Variants in SETD2 observed in about 807,000 individuals in gnomAD.
SETD2 encodes the protein histone-lysine N-methyltransferase SETD2.
A neutral mutation model predicts 242.1 loss-of-function variants in SETD2; 31 were observed. The observed-to-expected ratio is 0.13, with a 90% CI of 0.10 to 0.17. SETD2 has a LOEUF of 0.17. Among genes scored for constraint, SETD2 ranks in the 10% least tolerant of loss-of-function variants. The probability of loss-of-function intolerance (pLI) is 1.00; values close to 1 mark genes in which losing one functional copy is unlikely to be tolerated. For synonymous variants in SETD2, 1,006 were observed against 1,066.5 expected, an observed-to-expected ratio of 0.94 and a Z score of 1.11; for missense variants, 2,481 against 3,046.3, an observed-to-expected ratio of 0.81 and a Z score of 4.37.
chr3:47,084,022 C>T lies in SETD2; in HGVS notation c.5758G>A (p.Glu1920Lys), dbSNP rs2107639082. Residue 1920 changes from glutamate (E) to lysine (K), a missense_variant, in exon 12 of 21, where the codon GAG becomes AAG. Transcript: ENST00000409792. The part of the protein sequence containing the change: ...DQLENVPVEE[E>K]EELQSQQLLP... ...AGCTGTTGTGACTGCAATTCTTCCT[C>T]TTCCTCTACAGGGACATTTTCTAAT... The T allele has an allele frequency of 6.2e-7, 1 of 1,614,154 alleles. No individual in the cohort carries two copies. Among genetic ancestry groups the T allele is most frequent in the Non-Finnish European group, 8.5e-7 (1 of 1,180,034 alleles).
chr3:47,126,287 G>A (rs2043325121), intron 2 of SETD2, among the ~76,000 whole-genome samples: 1 of 152,204 alleles, frequency 6.6e-6, no homozygotes, highest in Non-Finnish European at 1.5e-5. Flanking sequence ...TTCCCAAAGT[G>A]CTGGGATTAC....
chr3:47,149,064 C>CCT (rs2043925257), intron 1 of SETD2, among the ~76,000 whole-genome samples: 1 of 152,156 alleles, frequency 6.6e-6, no homozygotes, highest in Non-Finnish European at 1.5e-5. Flanking sequence ...TACAGAATCA[C>CCT]CTGCACCCTC....
chr3:47,040,569 A>ATTTTTTTTTTTTTTT lies in SETD2; in HGVS notation c.7238+1977_7238+1991dup, dbSNP rs34309892. ...AAAATAGATGACATGAGGGAAAAGG[A>ATTTTTTTTTTTTTTT]TTTTTTTTTTTTTTTTTTTTTTGGA... is the stretch of plus-strand genomic sequence containing the variant. On this transcript the variant is annotated intron_variant, in intron 17 of 20. Coordinates refer to ENST00000409792, the MANE Select transcript of SETD2 (RefSeq NM_014159.7). Among the ~76,000 whole-genome samples the ATTTTTTTTTTTTTTT allele has an allele frequency of 6.3e-4, 58 of 91,718 alleles. 6 individuals are homozygous for ATTTTTTTTTTTTTTT. Among genetic ancestry groups the ATTTTTTTTTTTTTTT allele is most frequent in the African/African-American group, 2.1e-3 (49 of 22,842 alleles). 60.2% of individuals were successfully genotyped at this position (91,718 alleles called of 152,430 possible). A position where few individuals can be genotyped will look rare whatever the true frequency, so the allele number is the denominator to read the frequency against.
intron 5 of SETD2, among the ~76,000 whole-genome samples, chr3:47,108,044 C>G (rs1225419089): frequency 6.6e-6 from 1 of 151,840 alleles, no homozygotes; most frequent in Admixed American, 6.6e-5. Context: ...TTTGGGAGGC[C>G]GAGGTGGGTA....
At chr3:47,033,669 T>C (rs2107521975) in intron 18 of SETD2, among the ~76,000 whole-genome samples, 1 of 141,660 alleles carries the variant, frequency 7.1e-6, no homozygotes, top group African/African-American at 2.6e-5. Flanking sequence ...TTTTTTTTTT[T>C]TTTTTTTTTG....
chr3:47,026,295 T>G (rs1408870673), intron 18 of SETD2, among the ~76,000 whole-genome samples: 1 of 152,120 alleles, frequency 6.6e-6, no homozygotes, highest in African/African-American at 2.4e-5. Flanking sequence ...CACTAAAAAG[T>G]TGGGAAACAA....
chr3:47,022,517 G>T (rs2038276980), intron 18 of SETD2, among the ~76,000 whole-genome samples: 1 of 152,106 alleles, frequency 6.6e-6, no homozygotes, highest in East Asian at 1.9e-4. Context: ...AAGAAAAAAA[G>T]CACTTTTAAG....
chr3:47,083,113 T>C (rs951289645), intron 12 of SETD2, among the ~76,000 whole-genome samples: 1 of 152,210 alleles, frequency 6.6e-6, no homozygotes, highest in Non-Finnish European at 1.5e-5. Context: ...AAGCAAACCC[T>C]GCACATCTTG....
At position 47,163,842 on chromosome 3, in the gene SETD2, G is replaced by T; in HGVS notation, c.71+12C>A. ...GCCGACAGCAGCGGGGGGCCGCGGAGCTGATACTTACTCAGGGGTCGGGTG... is the reference window on the plus strand; with the variant it reads ...GCCGACAGCAGCGGGGGGCCGCGGATCTGATACTTACTCAGGGGTCGGGTG... On this transcript the variant is annotated intron_variant, in intron 1 of 20. Coordinates refer to ENST00000409792, the MANE Select transcript of SETD2 (RefSeq NM_014159.7). The T allele has an allele frequency of 7.8e-7, 1 of 1,287,202 alleles. No homozygotes were observed. 79.7% of individuals were successfully genotyped at this position (1,287,202 alleles called of 1,614,324 possible). A position where few individuals can be genotyped will look rare whatever the true frequency, so the allele number is the denominator to read the frequency against.
chr3:47,102,772 C>CAAAAAAA (rs5848821), intron 7 of SETD2, among the ~76,000 whole-genome samples: 2 of 97,938 alleles, frequency 2.0e-5, no homozygotes, highest in Non-Finnish European at 3.9e-5. Flanking sequence ...CCAGCCTGGG[C>CAAAAAAA]AAAAAAAAAA....
rs149552397 is a variant in SETD2, at chr3:47,056,998, G to A, written c.6786C>T (p.Pro2262=). The change falls in exon 15 of 21, where the codon CCC becomes CCT. Residue 2262 remains proline (P), a synonymous_variant. Transcript: ENST00000409792. ...TATAATTCTGTCCCTGAACTGGGCCGGGGGCCGGCACTGGCAAGACAGCAA... is the reference window on the plus strand; with the variant it reads ...TATAATTCTGTCCCTGAACTGGGCCAGGGGCCGGCACTGGCAAGACAGCAA... ...SSVAVLPVPA[P]GPVQGQNYSV... is the part of the protein sequence containing the mutation. The A allele has an allele frequency of 7.7e-5, 125 of 1,614,228 alleles. 1 individual carries two copies. In the African/African-American group the frequency reaches 9.3e-4, roughly 12 times the overall value.
chr3:47,096,100 A>G (rs762479475), intron 9 of SETD2, among the ~76,000 whole-genome samples: 89 of 152,248 alleles, frequency 5.8e-4, no homozygotes, highest in Non-Finnish European at 9.4e-4. Flanking sequence ...ACACAAAACA[A>G]TATGTTCTAA....
chr3:47,025,050 G>GTCAC (rs1394156673), intron 18 of SETD2, among the ~76,000 whole-genome samples: 4 of 152,152 alleles, frequency 2.6e-5, no homozygotes, highest in African/African-American at 9.7e-5. Context: ...CCTTCCCTAT[G>GTCAC]TCACTCCATA....
chr3:47,080,977 C>T, intron 12 of SETD2: 1 of 986,952 alleles, frequency 1.0e-6, no homozygotes, highest in Non-Finnish European at 1.2e-6. Flanking sequence ...TCACAGAATG[C>T]ACGCTAGGTT....
At chr3:47,068,195 A>C (rs1276880373) in intron 12 of SETD2, among the ~76,000 whole-genome samples, 1 of 152,198 alleles carries the variant, frequency 6.6e-6, no homozygotes, top group African/African-American at 2.4e-5. Context: ...CTTCAGAGGA[A>C]TCTCATAATA....
At position 47,103,338 on chromosome 3, in the gene SETD2, C is replaced by G. The variant is rs372596183; in HGVS notation, c.4917+8G>C. The G allele has an allele frequency of 4.4e-6, 7 of 1,596,290 alleles. No individual in the cohort carries two copies. In the African/African-American group the frequency reaches 9.4e-5, roughly 21 times the overall value. The stretch of plus-strand genomic sequence containing the variant: ...AATACCTCAAACTCTAAATCCACCT[C>G]AACTTACTTTTTGGGTTTCACAATT... On this transcript the variant is annotated splice_region_variant and intron_variant, in intron 7 of 20. Coordinates refer to ENST00000409792, the MANE Select transcript of SETD2 (RefSeq NM_014159.7).
intron 11 of SETD2, 141 bp from the exon 12 acceptor site, chr3:47,084,523 C>T: frequency 1.6e-6 from 1 of 607,524 alleles, no homozygotes; most frequent in Non-Finnish European, 2.9e-6. Flanking sequence ...CTCCTGGGTT[C>T]AAGCAATTCT....
At chr3:47,149,323 G>T (rs764308780) in intron 1 of SETD2, among the ~76,000 whole-genome samples, 1 of 151,878 alleles carries the variant, frequency 6.6e-6, no homozygotes, top group Non-Finnish European at 1.5e-5. Flanking sequence ...TATAAAATTA[G>T]AGGCACTAGC....
At chr3:47,051,839 T>G (rs1179167746) in intron 15 of SETD2, among the ~76,000 whole-genome samples, 1 of 152,192 alleles carries the variant, frequency 6.6e-6, no homozygotes, top group Non-Finnish European at 1.5e-5. Context: ...ACAAAATTTC[T>G]TTGGCCATCA....
Sources: gnomAD v4.1 joint callset for allele counts (sites outside exome capture counted in the v4.1 genomes callset) on GRCh38, gnomAD v4.1.1 for gene constraint, MANE v1.5 for transcripts, NCBI Gene and HGNC (gene_info 2026-07-23, HGNC 2026-07-21) for gene names.